TAFA2: variants seen among roughly 807,000 people sequenced by gnomAD.
TAFA2 encodes chemokine-like protein TAFA-2.
TAFA2 carries 7 observed loss-of-function variants against 18.8 expected under a neutral mutation model. The observed-to-expected ratio is 0.37, with a 90% CI of 0.21 to 0.70. The LOEUF is 0.70. Ranked by LOEUF, TAFA2 falls within the 30% of genes least tolerant of loss-of-function variation. TAFA2 has a pLI of 0.53. For missense variants in TAFA2, 122 were observed against 158.1 expected, an observed-to-expected ratio of 0.77 and a Z score of 1.23; for synonymous variants, 60 against 54.2, an observed-to-expected ratio of 1.11 and a Z score of -0.47.
chr12:61,965,230 C>T (rs1223479299), intron 1 of TAFA2, among the ~76,000 whole-genome samples: 1 of 151,696 alleles, frequency 6.6e-6, no homozygotes, highest in Non-Finnish European at 1.5e-5. Context: ...ATAAAAGAGG[C>T]CCAGAGGAAC....
chr12:62,022,387 A>G (rs1234490451), intron 1 of TAFA2, among the ~76,000 whole-genome samples: 1 of 152,232 alleles, frequency 6.6e-6, no homozygotes, highest in African/African-American at 2.4e-5. Context: ...ATTTTCTTCC[A>G]TAGCAAACAC....
At chr12:61,997,229 G>A (rs1592538364) in intron 1 of TAFA2, among the ~76,000 whole-genome samples, 2 of 145,568 alleles carry the variant, frequency 1.4e-5, no homozygotes, top group East Asian at 2.2e-4. Context: ...GGTCGTAAGT[G>A]CAATTTAAAA....
intron 4 of TAFA2, among the ~76,000 whole-genome samples, chr12:61,753,290 A>G (rs1376353153): frequency 6.6e-6 from 1 of 152,082 alleles, no homozygotes; most frequent in African/African-American, 2.4e-5. Flanking sequence ...TATACATTAG[A>G]AAAATAAAGG....
intron 1 of TAFA2, among the ~76,000 whole-genome samples, chr12:61,882,327 C>T (rs982074394): frequency 3.3e-5 from 5 of 152,048 alleles, no homozygotes; most frequent in Non-Finnish European, 5.9e-5. Flanking sequence ...TGCACTTTGG[C>T]GTCGGGAGAA....
chr12:62,164,436 T>C (rs577576548), intron 1 of TAFA2, among the ~76,000 whole-genome samples: 1 of 152,270 alleles, frequency 6.6e-6, no homozygotes, highest in African/African-American at 2.4e-5. Context: ...TAATCAATTA[T>C]CAGTTTTTAG....
At chr12:61,885,173 C>T (rs1875320156) in intron 1 of TAFA2, among the ~76,000 whole-genome samples, 1 of 152,148 alleles carries the variant, frequency 6.6e-6, no homozygotes, top group Non-Finnish European at 1.5e-5. Context: ...TCAGTCAGAG[C>T]ACACCCAAAA....
chr12:62,152,751 A>G (rs2062337515), intron 1 of TAFA2, among the ~76,000 whole-genome samples: 1 of 152,206 alleles, frequency 6.6e-6, no homozygotes, highest in South Asian at 2.1e-4. Flanking sequence ...TTGTGGCTCT[A>G]AAAGACATAT....
chr12:61,871,113 G>T (rs1172354073), intron 1 of TAFA2, among the ~76,000 whole-genome samples: 1 of 152,096 alleles, frequency 6.6e-6, no homozygotes, highest in East Asian at 1.9e-4. Context: ...AAAAGAGTCG[G>T]GGGGGCATGC....
chr12:62,190,554 G>C (rs968741), intron 1 of TAFA2, among the ~76,000 whole-genome samples: 51,119 of 152,046 alleles, frequency 0.34, 9,448 homozygotes, highest in South Asian at 0.46. Flanking sequence ...TCTGAACGCT[G>C]TTCGTTAAGA....
chr12:61,977,985 C>A (rs1450728508), intron 1 of TAFA2, among the ~76,000 whole-genome samples: 1 of 151,956 alleles, frequency 6.6e-6, no homozygotes, highest in African/African-American at 2.4e-5. Flanking sequence ...ATTAAGAATT[C>A]CTTTTATAAA....
At chr12:62,135,491 C>A (rs1199630904) in intron 1 of TAFA2, among the ~76,000 whole-genome samples, 1 of 151,928 alleles carries the variant, frequency 6.6e-6, no homozygotes, top group Admixed American at 6.6e-5. Context: ...GGTTATAGGG[C>A]CAGCAGAGTG....
chr12:62,209,374 C>T (rs2062704822), intron 1 of TAFA2, among the ~76,000 whole-genome samples: 1 of 152,208 alleles, frequency 6.6e-6, no homozygotes, highest in Non-Finnish European at 1.5e-5. Flanking sequence ...TGCCTTGCTT[C>T]CCCTTCACCT....
At chr12:61,987,206 G>T (rs531360672) in intron 1 of TAFA2, among the ~76,000 whole-genome samples, 89 of 152,236 alleles carry the variant, frequency 5.8e-4, no homozygotes, top group Admixed American at 1.2e-3. Context: ...AGTGCAGCAG[G>T]CTCCACAACT....
At chr12:62,085,306 A>T (rs1232198344) in intron 1 of TAFA2, among the ~76,000 whole-genome samples, 1 of 152,128 alleles carries the variant, frequency 6.6e-6, no homozygotes, top group African/African-American at 2.4e-5. Context: ...AACTGTTTTC[A>T]ATGTTATATT....
At chr12:62,104,594 G>T (rs1869362099) in intron 1 of TAFA2, 2 of 389,336 alleles carry the variant, frequency 5.1e-6, no homozygotes, top group South Asian at 3.6e-5. Flanking sequence ...TCTGCTTAGA[G>T]ATTCCAGAGA....
chr12:61,814,420 T>G (rs897936983), intron 2 of TAFA2, among the ~76,000 whole-genome samples: 2 of 151,260 alleles, frequency 1.3e-5, no homozygotes, highest in East Asian at 3.9e-4. Context: ...GGGCAGACAT[T>G]GAAGGATCTT....
chr12:61,953,343 A>C (rs10784276), intron 1 of TAFA2, among the ~76,000 whole-genome samples: 44,706 of 152,022 alleles, frequency 0.29, 7,943 homozygotes, highest in Non-Finnish European at 0.39. Context: ...AATACAAAAG[A>C]TACTAATCCA....
chr12:61,985,411 G>A (rs1455388010), intron 1 of TAFA2, among the ~76,000 whole-genome samples: 1 of 152,120 alleles, frequency 6.6e-6, no homozygotes, highest in African/African-American at 2.4e-5. Context: ...ATAAAGACTG[G>A]TTTATCACAT....
At chr12:61,728,187 A>G (rs1254202999) in intron 4 of TAFA2, among the ~76,000 whole-genome samples, 1 of 152,056 alleles carries the variant, frequency 6.6e-6, no homozygotes, top group Non-Finnish European at 1.5e-5. Flanking sequence ...GATGAATAGA[A>G]TGTATATTGT....
Sources: gnomAD v4.1 joint callset for allele counts (sites outside exome capture counted in the v4.1 genomes callset) on GRCh38, gnomAD v4.1.1 for gene constraint, MANE v1.5 for transcripts, NCBI Gene and HGNC (gene_info 2026-07-23, HGNC 2026-07-21) for gene names.